AP4B1: variants seen among roughly 807,000 people sequenced by gnomAD.
AP4B1 encodes the protein adaptor related protein complex 4 subunit beta 1.
AP4B1 carries 49 observed loss-of-function variants against 76.5 expected under a neutral mutation model. The observed-to-expected ratio is 0.64, with a 90% CI of 0.51 to 0.81. The LOEUF is 0.81. Among genes scored for constraint, AP4B1 ranks in the 40% least tolerant of loss-of-function variants. The pLI, the probability that AP4B1 is intolerant of heterozygous loss-of-function variation, is 0.00. For missense variants in AP4B1, 911 were observed against 904.9 expected (o/e 1.01, Z -0.09); for synonymous variants, 330 against 333.3 (o/e 0.99, Z 0.11).
chr1:113,898,951 A>T (rs1667863930), intron 5 of AP4B1, 150 bp from the exon 6 acceptor site: 1 of 939,500 alleles, frequency 1.1e-6, no homozygotes, highest in Non-Finnish European at 1.6e-6. Context: ...ATGAACTAAG[A>T]ATATAAGTTT....
chr1:113,895,206 GAACA>G lies in AP4B1; in HGVS notation c.2075_2078del (p.Leu692ProfsTer2), dbSNP rs763939429. 6.2e-7 allele frequency: 1 copy of G among 1,614,184 alleles called. No homozygotes were observed. The highest frequency in any genetic ancestry group is 8.5e-7 in the Non-Finnish European group (1 of 1,180,036). The stretch of plus-strand genomic sequence containing the variant: ...CAGGCTCCAATAGCAGTTCTGTTAA[GAACA>G]GACAGCCAGTATCATCCTGAGCACT... On this transcript the variant is annotated frameshift_variant, in exon 10 of 10. Coordinates refer to ENST00000369569, the MANE Select transcript of AP4B1 (RefSeq NM_001253852.3). LOFTEE classifies it high-confidence loss of function.
At chr1:113,903,469 C>T (rs1359426881) in intron 1 of AP4B1, among the ~76,000 whole-genome samples, 1 of 152,198 alleles carries the variant, frequency 6.6e-6, no homozygotes, top group East Asian at 1.9e-4. Flanking sequence ...GGTCTCAAAC[C>T]TCTAGGAACT....
rs761940987 is a variant in AP4B1, at chr1:113,898,814, G to A, written c.1115-13C>T. On this transcript the variant is annotated splice_polypyrimidine_tract_variant and intron_variant, in intron 5 of 9. Transcript: ENST00000369569. ...CTGGCAATGCCACCTACAAAAGAAGGGAAAGCAGAGAAAACTGCTAAGTGA... is the reference window on the plus strand; with the variant it reads ...CTGGCAATGCCACCTACAAAAGAAGAGAAAGCAGAGAAAACTGCTAAGTGA... The A allele has an allele frequency of 6.3e-6, 10 of 1,599,528 alleles. No individual in the cohort carries two copies. The African/African-American group carries it at 1.1e-4, about 17-fold the overall frequency.
At chr1:113,904,254 T>A (rs1156913313) in intron 1 of AP4B1, among the ~76,000 whole-genome samples, 1 of 152,198 alleles carries the variant, frequency 6.6e-6, no homozygotes, top group South Asian at 2.1e-4. Context: ...GACGGAAGAA[T>A]GTCCGGGCTA....
upstream of AP4B1, chr1:113,904,897 C>T (rs1452831174): frequency 1.1e-5 from 7 of 628,706 alleles, no homozygotes; most frequent in Non-Finnish European, 2.0e-5. Context: ...ACTTCCACGC[C>T]CTCCGCGACA....
At chr1:113,902,560 T>C in intron 2 of AP4B1, 78 bp downstream of exon 2, 4 of 1,421,058 alleles carry the variant, frequency 2.8e-6, no homozygotes, top group Non-Finnish European at 4.0e-6. Context: ...TCAAATAAAT[T>C]ATCCTCTTTA....
intron 6 of AP4B1, 84 bp from the exon 7 acceptor site, chr1:113,898,027 T>G (rs915391865): frequency 6.2e-7 from 1 of 1,600,616 alleles, no homozygotes; most frequent in East Asian, 2.3e-5. Context: ...GTATTCAGAC[T>G]CATGATTCTG....
intron 9 of AP4B1, 115 bp downstream of exon 9, chr1:113,895,642 T>A: frequency 6.5e-7 from 1 of 1,546,388 alleles, no homozygotes; most frequent in Non-Finnish European, 8.9e-7. Context: ...TGCTCACAAA[T>A]GCTTCAAATT....
intron 4 of AP4B1, chr1:113,900,694 G>A (rs1341850684): frequency 2.3e-6 from 1 of 436,860 alleles, no homozygotes; most frequent in Non-Finnish European, 4.1e-6. Context: ...GGCTTAGTTT[G>A]GGGGACATGA....
In AP4B1 at chr1:113,896,171, C is replaced by T. The variant is rs1371995420; in HGVS notation, c.1510+87G>A. 1.9e-6 allele frequency: 3 copies of T among 1,593,792 alleles called. No individual in the cohort carries two copies. The African/African-American group carries it at 4.0e-5, about 21-fold the overall frequency. ...AAGCATTCACATTTTCTTCTCGGGT[C>T]CCAGACGTGACTCACCAAACAATGA... On this transcript the variant is annotated intron_variant, in intron 8 of 9. Transcript: ENST00000369569.
chr1:113,900,843 C>T (rs543605442), intron 4 of AP4B1: 21 of 288,494 alleles, frequency 7.3e-5, no homozygotes, highest in Admixed American at 4.9e-4. Context: ...CGCAGTGGCT[C>T]ACGTCTGTAA....
chr1:113,897,752 G>A, intron 7 of AP4B1, 88 bp downstream of exon 7: 1 of 1,407,628 alleles, frequency 7.1e-7, no homozygotes, highest in Non-Finnish European at 9.9e-7. Flanking sequence ...TCAAACACAG[G>A]GTAGAGAGAA....
chr1:113,896,471 G>A lies in AP4B1; in HGVS notation c.1303-6C>T. 2 of 1,613,604 alleles carry A rather than the reference G, an allele frequency of 1.2e-6. No individual in the cohort carries two copies. Among genetic ancestry groups the A allele is most frequent in the African/African-American group, 1.3e-5 (1 of 75,038 alleles). ...CAAATAAGTGCTTGCTTCCCCTAGA[G>A]AATAAAGGAATAAGAGCAAGTGCTC... On this transcript the variant is annotated splice_region_variant and splice_polypyrimidine_tract_variant and intron_variant, in intron 7 of 9. Coordinates refer to ENST00000369569, the MANE Select transcript of AP4B1 (RefSeq NM_001253852.3).
At chr1:113,896,560 GC>G in intron 7 of AP4B1, 95 bp from the exon 8 acceptor site, 1 of 1,169,376 alleles carries the variant, frequency 8.6e-7, no homozygotes, top group Non-Finnish European at 1.3e-6. Flanking sequence ...TTCGCTTAGT[GC>G]CAGCAGAAAA....
At position 113,901,294 on chromosome 1, in the gene AP4B1, G is replaced by C. The variant is rs1192505486; in HGVS notation, c.559C>G (p.Leu187Val). The change falls in exon 4 of 10, where the codon CTG becomes GTG. Residue 187 changes from leucine to valine, a missense_variant. Leu to Val is a conservative substitution (Grantham distance 32). Coordinates refer to ENST00000369569, the MANE Select transcript of AP4B1 (RefSeq NM_001253852.3). ...ATGACAACGCCTCCTTCCTGTTTCA[G>C]AATTTCCTCTAGAGACCTCAAGCAG... ...VNCLRSLEEILKQEGGVVINK... is the reference protein window; with the variant it reads ...VNCLRSLEEIVKQEGGVVINK... The C allele has an allele frequency of 6.2e-7, 1 of 1,613,986 alleles. No homozygotes were observed. Among genetic ancestry groups the C allele is most frequent in the Admixed American group, 1.7e-5 (1 of 59,988 alleles).
Position 113,897,956 on chromosome 1 carries a change from C to A in AP4B1, c.1199-13G>T. On this transcript the variant is annotated splice_polypyrimidine_tract_variant and intron_variant, in intron 6 of 9. Transcript: ENST00000369569. ...GTCTGCACCACCACTACAATACAGG[C>A]CAGGGTACAAGAGCACAGGATTAGA... 1 of 1,614,022 alleles carries A rather than the reference C, an allele frequency of 6.2e-7. No individual in the cohort carries two copies. Among genetic ancestry groups the A allele is most frequent in the African/African-American group, 1.3e-5 (1 of 74,996 alleles).
In AP4B1 at chr1:113,902,754, T is replaced by C. The variant is rs1439180952; in HGVS notation, c.222A>G (p.Thr74=). The C allele has an allele frequency of 6.2e-7, 1 of 1,614,096 alleles. No homozygotes were observed. Among genetic ancestry groups the C allele is most frequent in the Non-Finnish European group, 8.5e-7 (1 of 1,180,052 alleles). The change falls in exon 2 of 10, where the codon ACA becomes ACG. Residue 74 remains threonine, a synonymous_variant. Transcript: ENST00000369569. ...QKKLVYLYMC[T]YAPLKPDLAL... ...CCAGATCTGGTTTCAGGGGAGCATA[T>C]GTGCACATGTACAGATAAACCAACT...
rs923041546 is a variant in AP4B1 at position 113,900,404 on chromosome 1, T to C, written c.618-4A>G. On this transcript the variant is annotated splice_polypyrimidine_tract_variant and splice_region_variant and intron_variant, in intron 4 of 9. Coordinates refer to ENST00000369569, the MANE Select transcript of AP4B1 (RefSeq NM_001253852.3). Reference sequence around the variant, plus strand: ...CCATTGGTCCAGTTTTGACATTCTATCCAAAAAACAAAACAAAAGAGCTAT... The same window carrying C: ...CCATTGGTCCAGTTTTGACATTCTACCCAAAAAACAAAACAAAAGAGCTAT... The C allele has an allele frequency of 6.2e-7, 1 of 1,613,316 alleles. No homozygotes were observed. The highest frequency in any genetic ancestry group is 2.2e-5 in the East Asian group (1 of 44,866).
At position 113,901,842 on chromosome 1, in the gene AP4B1, C is replaced by G; in HGVS notation, c.382G>C (p.Gly128Arg). Residue 128 changes from glycine (G) to arginine (R), a missense_variant, in exon 3 of 10, where the codon GGT becomes CGT. By Grantham distance (125) the Gly-to-Arg change is moderately radical. Transcript: ENST00000369569. Reference sequence around the variant, plus strand: ...ACATATGAAGCCTTATCCCGCAGACCATTGAGAATAGGCTGTTGTATATAC... The same window carrying G: ...ACATATGAAGCCTTATCCCGCAGACGATTGAGAATAGGCTGTTGTATATAC... ...QEYIQQPILN[G>R]LRDKASYVRR... 1.2e-6 allele frequency: 2 copies of G among 1,614,154 alleles called. No homozygotes were observed.
Sources: allele counts gnomAD v4.1 joint callset (sites outside exome capture counted in the v4.1 genomes callset), GRCh38; gene constraint gnomAD v4.1.1; transcripts MANE v1.5; gene names NCBI Gene and HGNC (gene_info 2026-07-23, HGNC 2026-07-21).